ATPAF2: variants seen among roughly 807,000 people sequenced by gnomAD.
ATPAF2 encodes the protein ATP12 homolog.
Under a neutral mutation model 36.6 loss-of-function variants are expected in ATPAF2, and 30 were observed. The observed-to-expected ratio is 0.82, with a 90% CI of 0.61 to 1.11. The LOEUF is 1.11. Among genes scored for constraint, ATPAF2 ranks in the 50% most tolerant of loss-of-function variants. The probability of loss-of-function intolerance (pLI) is 0.00; values close to 1 mark genes in which losing one functional copy is unlikely to be tolerated. For missense variants in ATPAF2, 321 were observed against 372.3 expected, an observed-to-expected ratio of 0.86 and a Z score of 1.13; for synonymous variants, 140 against 152.6, an observed-to-expected ratio of 0.92 and a Z score of 0.61.
At chr17:18,037,133 G>A (rs1056448035) in intron 1 of ATPAF2, among the ~76,000 whole-genome samples, 1 of 152,014 alleles carries the variant, frequency 6.6e-6, no homozygotes, top group African/African-American at 2.4e-5. Flanking sequence ...TTGCCAACTT[G>A]GTGAACTCCT....
intron 5 of ATPAF2, among the ~76,000 whole-genome samples, chr17:18,023,835 A>G (rs1024915074): frequency 3.3e-5 from 5 of 152,252 alleles, no homozygotes; most frequent in African/African-American, 1.2e-4. Context: ...AGGTAGTACC[A>G]TGAAAGCCAG....
Position 18,026,335 on chromosome 17 carries a change from C to A in ATPAF2, c.406G>T (p.Asp136Tyr). The A allele has an allele frequency of 6.2e-7, 1 of 1,614,176 alleles. No individual in the cohort carries two copies. Among genetic ancestry groups the A allele is most frequent in the East Asian group, 2.2e-5 (1 of 44,884 alleles). Residue 136 changes from aspartate (D) to tyrosine (Y), a missense_variant, in exon 4 of 8, where the codon GAC becomes TAC. By Grantham distance (160) the Asp-to-Tyr change is radical. Coordinates refer to ENST00000474627, the MANE Select transcript of ATPAF2 (RefSeq NM_145691.4). ...GTCCATTACCAGATGGTGTCGGTGT[C>A]CAGAAACTTCACGGCTGCCCGGATC... Reference protein sequence around the residue: ...QLIRAAVKFLDTDTICYRVEE... With the variant: ...QLIRAAVKFLYTDTICYRVEE...
Position 18,039,130 on chromosome 17 carries a change from G to A in ATPAF2, c.-117C>T, listed in dbSNP as rs1004747513. On this transcript the variant is annotated 5_prime_UTR_variant, in exon 1 of 8. Transcript: ENST00000474627. The surrounding 1 kb of genome is among the most constrained non-coding windows in gnomAD (Gnocchi z 5.3). ...ACGGAAACCTCTCAACGCCTCCTCA[G>A]AGCCCTCAACCTCCCTTGGACGCCG... 3 of 1,430,816 alleles carry A rather than the reference G, an allele frequency of 2.1e-6. No individual in the cohort carries two copies. The highest frequency in any genetic ancestry group is 2.8e-5 in the African/African-American group (2 of 70,758). The allele number at this position is 1,430,816 out of a possible 1,614,324, so 88.6% of individuals were successfully genotyped here. A position where few individuals can be genotyped will look rare whatever the true frequency, so the allele number is the denominator to read the frequency against.
chr17:18,022,801 T>C (rs1347820383), intron 5 of ATPAF2, among the ~76,000 whole-genome samples: 3 of 151,974 alleles, frequency 2.0e-5, no homozygotes, highest in Admixed American at 6.5e-5. Context: ...TTTTCTTCCA[T>C]ATATCACTGA....
chr17:18,033,135 G>A (rs949385778), intron 1 of ATPAF2, among the ~76,000 whole-genome samples: 2 of 151,990 alleles, frequency 1.3e-5, no homozygotes, highest in East Asian at 1.9e-4. Context: ...TTGTGAGGCC[G>A]AGGGGGACAG....
chr17:18,030,864 G>A (rs2044622132), intron 1 of ATPAF2, among the ~76,000 whole-genome samples: 1 of 139,832 alleles, frequency 7.2e-6, no homozygotes, highest in African/African-American at 2.7e-5. Context: ...TAGTAGAGAC[G>A]GGGTTTCACC....
At chr17:18,034,998 A>G (rs1369253942) in intron 1 of ATPAF2, among the ~76,000 whole-genome samples, 1 of 152,218 alleles carries the variant, frequency 6.6e-6, no homozygotes, top group African/African-American at 2.4e-5. Flanking sequence ...GCACTCTGGA[A>G]GGCCGAAGCA....
rs1290701762 is a variant in ATPAF2, at chr17:18,038,295, C to T, written c.133+586G>A. Among the ~76,000 whole-genome samples the T allele has an allele frequency of 2.0e-5, 3 of 152,366 alleles. No homozygotes were observed. The East Asian group carries it at 5.8e-4, about 29-fold the overall frequency. On this transcript the variant is annotated intron_variant, in intron 1 of 7. Coordinates refer to ENST00000474627, the MANE Select transcript of ATPAF2 (RefSeq NM_145691.4). Reference sequence around the variant, plus strand: ...CAATGAAAGAGCCACTACTTCTAAGCTTCATCAGAGTTGGAGGTGGAGGTG... The same window carrying T: ...CAATGAAAGAGCCACTACTTCTAAGTTTCATCAGAGTTGGAGGTGGAGGTG...
At chr17:18,038,327 C>T (rs1421292428) in intron 1 of ATPAF2, among the ~76,000 whole-genome samples, 2 of 152,212 alleles carry the variant, frequency 1.3e-5, no homozygotes, top group African/African-American at 4.8e-5. Context: ...GGTGACTCCA[C>T]AGTCAGAGGT....
downstream of ATPAF2, chr17:18,016,611 G>A: frequency 6.2e-7 from 1 of 1,613,920 alleles, no homozygotes. Flanking sequence ...AGATCAATCA[G>A]TACATCGACC....
intron 1 of ATPAF2, among the ~76,000 whole-genome samples, chr17:18,030,086 G>A (rs553043783): frequency 5.9e-4 from 89 of 151,214 alleles, no homozygotes; most frequent in African/African-American, 2.0e-3. Flanking sequence ...TTTGGGAGGC[G>A]GAGGCGGGTG....
At chr17:18,035,245 A>C (rs941060753) in intron 1 of ATPAF2, among the ~76,000 whole-genome samples, 2 of 152,150 alleles carry the variant, frequency 1.3e-5, no homozygotes, top group South Asian at 2.1e-4. Context: ...ACAAAAAAAA[A>C]CAAAAAAAAC....
intron 4 of ATPAF2, 65 bp downstream of exon 4, chr17:18,026,254 C>T: frequency 7.0e-7 from 1 of 1,420,836 alleles, no homozygotes; most frequent in Non-Finnish European, 1.0e-6. Flanking sequence ...CCACTGATAA[C>T]CATCTGGGCA....
chr17:18,034,515 T>G (rs2044678744), intron 1 of ATPAF2, among the ~76,000 whole-genome samples: 1 of 152,100 alleles, frequency 6.6e-6, no homozygotes, highest in Non-Finnish European at 1.5e-5. Context: ...ATCAGAGAAA[T>G]GCAAATCAAA....
At chr17:18,019,086 G>A (rs976877924) in intron 7 of ATPAF2, among the ~76,000 whole-genome samples, 3 of 151,304 alleles carry the variant, frequency 2.0e-5, no homozygotes, top group Non-Finnish European at 2.9e-5. Flanking sequence ...GCTGCAGTAA[G>A]CCAAGATCAC....
downstream of ATPAF2, chr17:18,016,498 A>G (rs950390292): frequency 7.3e-6 from 9 of 1,237,042 alleles, no homozygotes; most frequent in Non-Finnish European, 4.7e-6. Context: ...AACTGGATTC[A>G]GTGAAAGATA....
intron 1 of ATPAF2, among the ~76,000 whole-genome samples, chr17:18,037,428 AC>A: frequency 6.6e-6 from 1 of 152,210 alleles, no homozygotes; most frequent in African/African-American, 2.4e-5. Context: ...TACTAAAAAT[AC>A]AAAAATTAGC....
At chr17:18,036,382 A>T (rs1424011029) in intron 1 of ATPAF2, among the ~76,000 whole-genome samples, 1 of 152,014 alleles carries the variant, frequency 6.6e-6, no homozygotes, top group Non-Finnish European at 1.5e-5. Context: ...GAGACCATCC[A>T]GACTAACATG....
At chr17:18,036,259 G>A (rs2955384) in intron 1 of ATPAF2, among the ~76,000 whole-genome samples, 61,029 of 151,794 alleles carry the variant, frequency 0.4, 13,412 homozygotes, top group East Asian at 0.87. Context: ...TCTCACAACT[G>A]GTAAGGTCTT....
Sources: gnomAD v4.1 joint callset for allele counts (sites outside exome capture counted in the v4.1 genomes callset) on GRCh38, gnomAD v4.1.1 for gene constraint, Gnocchi (gnomAD v3.1) non-coding constraint, MANE v1.5 for transcripts, NCBI Gene and HGNC (gene_info 2026-07-23, HGNC 2026-07-21) for gene names.